Variants in MS4A6E observed in about 807,000 individuals in gnomAD.
The protein encoded by MS4A6E is membrane-spanning 4-domains subfamily A member 6E.
In MS4A6E, 8 loss-of-function variants were observed where a neutral mutation model predicts 13.2. That is an observed-to-expected ratio of 0.60 (90% CI 0.35 to 1.09). MS4A6E has a LOEUF of 1.09. MS4A6E is among the 50% of genes least tolerant of loss of function. The probability of loss-of-function intolerance (pLI) is 0.02; values close to 1 mark genes in which losing one functional copy is unlikely to be tolerated. For missense variants in MS4A6E, 177 were observed against 171.1 expected (o/e 1.03, Z -0.19); for synonymous variants, 72 against 67.6 (o/e 1.06, Z -0.32).
intron 1 of MS4A6E, among the ~76,000 whole-genome samples, chr11:60,330,542 CTG>C (rs2085148488): frequency 6.6e-6 from 1 of 151,652 alleles, no homozygotes; most frequent in African/African-American, 2.4e-5. Flanking sequence ...CGGGGTTTCA[CTG>C]TGTTAGCCAG....
At chr11:60,345,424 G>C (rs895448668), downstream of MS4A6E, among the ~76,000 whole-genome samples, 4 of 152,222 alleles carry the variant, frequency 2.6e-5, no homozygotes, top group South Asian at 6.2e-4. Context: ...TGGAGAGAGA[G>C]ACACACTTTG....
chr11:60,343,206 A>G (rs565361253), downstream of MS4A6E, among the ~76,000 whole-genome samples: 1 of 152,324 alleles, frequency 6.6e-6, no homozygotes, highest in South Asian at 2.1e-4. Flanking sequence ...GATTACCATT[A>G]TTAGTGGGGG....
At chr11:60,332,604 C>T (rs2085163892) in intron 1 of MS4A6E, among the ~76,000 whole-genome samples, 1 of 152,180 alleles carries the variant, frequency 6.6e-6, no homozygotes. Flanking sequence ...GTCAGTTTGA[C>T]ATGGCATGGT....
chr11:60,333,659 G>A (rs2085170714), intron 1 of MS4A6E, among the ~76,000 whole-genome samples: 1 of 152,130 alleles, frequency 6.6e-6, no homozygotes, highest in East Asian at 1.9e-4. Flanking sequence ...ACAAAAACTC[G>A]GATAGTTGTT....
chr11:60,348,528 T>C (rs1470872208), intron 4 of MS4A6E, among the ~76,000 whole-genome samples: 2 of 152,206 alleles, frequency 1.3e-5, no homozygotes, highest in Non-Finnish European at 2.9e-5. Flanking sequence ...ATAAGAGATA[T>C]GGCAGTCGCA....
At chr11:60,340,031 T>C (rs1379104347) in intron 4 of MS4A6E, 67 bp downstream of exon 4, 1 of 1,595,846 alleles carries the variant, frequency 6.3e-7, no homozygotes, top group Non-Finnish European at 8.6e-7. Context: ...GTGTTGAGTA[T>C]GTCACCAAGA....
intron 3 of MS4A6E, 125 bp downstream of exon 3, chr11:60,338,072 G>T (rs1301239148): frequency 3.4e-6 from 3 of 889,438 alleles, no homozygotes; most frequent in Non-Finnish European, 5.1e-6. Flanking sequence ...GAAGGCCAAG[G>T]TTATGTAAAT....
intron 4 of MS4A6E, among the ~76,000 whole-genome samples, chr11:60,347,879 T>C (rs2085263123): frequency 6.6e-6 from 1 of 152,180 alleles, no homozygotes; most frequent in South Asian, 2.1e-4. Flanking sequence ...AAGATGGATC[T>C]TGGGAAAGGC....
At chr11:60,340,093 A>G in intron 4 of MS4A6E, 129 bp downstream of exon 4, 1 of 1,382,936 alleles carries the variant, frequency 7.2e-7, no homozygotes, top group Non-Finnish European at 9.9e-7. Flanking sequence ...GAGGTCATTT[A>G]AATGGTGATG....
At chr11:60,334,163 T>C (rs142796293) in intron 1 of MS4A6E, among the ~76,000 whole-genome samples, 223 of 152,256 alleles carry the variant, frequency 1.5e-3, no homozygotes, top group African/African-American at 5.0e-3. Flanking sequence ...TGGGGGCCTC[T>C]GAGAACAAAG....
intron 4 of MS4A6E, among the ~76,000 whole-genome samples, chr11:60,347,581 GA>G (rs112099637): frequency 0.066 from 7,613 of 115,514 alleles, 625 homozygotes; most frequent in African/African-American, 0.21. Flanking sequence ...AGAGAACTGA[GA>G]AAAAAAAAAA....
chr11:60,342,284 T>A (rs973858284), downstream of MS4A6E, among the ~76,000 whole-genome samples: 1 of 151,872 alleles, frequency 6.6e-6, no homozygotes. Context: ...TGGTGCCACC[T>A]TCCGCCACAG....
rs76658005 is a variant in MS4A6E, at chr11:60,337,345, C to G, written c.148-396C>G. ...ATCCAGATTTTCTGTGTGGTTGATG[C>G]TTGCACGAGGGGTTTCTGAGTTGGC... is the stretch of plus-strand genomic sequence containing the variant. On this transcript the variant is annotated intron_variant, in intron 2 of 4. Coordinates refer to ENST00000684409, the MANE Select transcript of MS4A6E (RefSeq NM_139249.4). Among the ~76,000 whole-genome samples the G allele has an allele frequency of 6.2e-3, 942 of 151,310 alleles. 8 individuals are homozygous for G. Among genetic ancestry groups the G allele is most frequent in the African/African-American group, 0.021 (875 of 41,520 alleles).
downstream of MS4A6E, among the ~76,000 whole-genome samples, chr11:60,344,735 T>C (rs1473221598): frequency 6.6e-6 from 1 of 152,136 alleles, no homozygotes; most frequent in Non-Finnish European, 1.5e-5. Context: ...AGTCCATAGA[T>C]GTCTTGAGGC....
chr11:60,347,032 T>G (rs2085259365), intron 4 of MS4A6E, among the ~76,000 whole-genome samples: 1 of 152,194 alleles, frequency 6.6e-6, no homozygotes, highest in Non-Finnish European at 1.5e-5. Flanking sequence ...ATGTGAATCC[T>G]AATAGCACAA....
chr11:60,342,825 T>C (rs1221539233), downstream of MS4A6E, among the ~76,000 whole-genome samples: 2 of 152,240 alleles, frequency 1.3e-5, no homozygotes, highest in Non-Finnish European at 2.9e-5. Flanking sequence ...AGGCTTCTTT[T>C]GCTAGACAAG....
chr11:60,347,442 G>A (rs533192962), intron 4 of MS4A6E, among the ~76,000 whole-genome samples: 2 of 152,080 alleles, frequency 1.3e-5, no homozygotes, highest in Admixed American at 6.5e-5. Flanking sequence ...TCCCCAAGAT[G>A]GTAAGAAGTT....
At chr11:60,331,796 C>T (rs771919263) in intron 1 of MS4A6E, among the ~76,000 whole-genome samples, 6 of 152,188 alleles carry the variant, frequency 3.9e-5, no homozygotes, top group East Asian at 1.9e-4. Context: ...CTTTGCAAGG[C>T]GATAAGGTAA....
At position 60,331,430 on chromosome 11, in the gene MS4A6E, C is replaced by T. The variant is rs192471134; in HGVS notation, c.-14-3452C>T. ...ATCTACTCATAGAGCAGTTTCTCAC[C>T]ATTTTTTGTTTGTTTGATTTTGCAT... On this transcript the variant is annotated intron_variant, in intron 1 of 4. Coordinates refer to ENST00000684409, the MANE Select transcript of MS4A6E (RefSeq NM_139249.4). 3.8e-3 allele frequency among the ~76,000 whole-genome samples: 575 copies of T among 151,914 alleles called. 2 individuals carry two copies. Among genetic ancestry groups the T allele is most frequent in the African/African-American group, 0.013 (537 of 41,278 alleles).
Sources: gnomAD v4.1 joint callset for allele counts (sites outside exome capture counted in the v4.1 genomes callset) on GRCh38, gnomAD v4.1.1 for gene constraint, MANE v1.5 for transcripts, NCBI Gene and HGNC (gene_info 2026-07-23, HGNC 2026-07-21) for gene names.